KCTD8: variants seen among roughly 807,000 people sequenced by gnomAD.
The protein encoded by KCTD8 is BTB/POZ domain-containing protein KCTD8.
KCTD8 carries 27 observed loss-of-function variants against 31.5 expected under a neutral mutation model. The ratio of observed to expected loss-of-function variants is 0.86; its 90% CI spans 0.63 to 1.18. The LOEUF is 1.18. Ranked by LOEUF, KCTD8 falls within the 50% of genes most tolerant of loss-of-function variation. KCTD8 has a pLI of 0.00. For missense variants in KCTD8, 658 were observed against 647.7 expected, an observed-to-expected ratio of 1.02 and a Z score of -0.17; for synonymous variants, 290 against 280.0, an observed-to-expected ratio of 1.04 and a Z score of -0.36.
chr4:44,265,558 G>T (rs892771428), intron 1 of KCTD8, among the ~76,000 whole-genome samples: 7 of 152,232 alleles, frequency 4.6e-5, no homozygotes, highest in Admixed American at 1.3e-4. Flanking sequence ...ACTTTGACGA[G>T]TTGAGAGAAG....
intron 1 of KCTD8, among the ~76,000 whole-genome samples, chr4:44,290,837 T>G (rs1243773004): frequency 6.6e-6 from 1 of 151,998 alleles, no homozygotes; most frequent in Non-Finnish European, 1.5e-5. Flanking sequence ...TTTATAGAAA[T>G]AAACGCCTTC....
chr4:44,360,581 G>C (rs1285242443), intron 1 of KCTD8, among the ~76,000 whole-genome samples: 2 of 151,988 alleles, frequency 1.3e-5, no homozygotes, highest in African/African-American at 4.8e-5. Context: ...TAAATGAACA[G>C]AGAATTCTTT....
chr4:44,392,023 T>C (rs1262940747), intron 1 of KCTD8, among the ~76,000 whole-genome samples: 1 of 151,974 alleles, frequency 6.6e-6, no homozygotes, highest in South Asian at 2.1e-4. Context: ...TCTTACGGAG[T>C]CTTACCAACT....
At chr4:44,335,762 C>A (rs1053525907) in intron 1 of KCTD8, among the ~76,000 whole-genome samples, 15 of 152,008 alleles carry the variant, frequency 9.9e-5, no homozygotes, top group African/African-American at 3.4e-4. Context: ...GATACAGATA[C>A]AAGAAAAATG....
chr4:44,406,146 A>C (rs1212579116), intron 1 of KCTD8, among the ~76,000 whole-genome samples: 1 of 152,132 alleles, frequency 6.6e-6, no homozygotes, highest in African/African-American at 2.4e-5. Context: ...AGGTGAATAT[A>C]TGGTGAATAT....
At chr4:44,354,015 A>G (rs755287321) in intron 1 of KCTD8, among the ~76,000 whole-genome samples, 6 of 152,114 alleles carry the variant, frequency 3.9e-5, no homozygotes, top group Non-Finnish European at 8.8e-5. Context: ...TAGATACTCA[A>G]TCCAAACAAA....
intron 1 of KCTD8, among the ~76,000 whole-genome samples, chr4:44,230,101 CT>C (rs1715079846): frequency 6.6e-6 from 1 of 152,122 alleles, no homozygotes; most frequent in South Asian, 2.1e-4. Context: ...GCTTATGCCC[CT>C]CAGTCAAATT....
intron 1 of KCTD8, among the ~76,000 whole-genome samples, chr4:44,188,836 C>T (rs998065911): frequency 6.6e-5 from 10 of 152,116 alleles, no homozygotes; most frequent in Non-Finnish European, 1.3e-4. Flanking sequence ...TTCCCTAGAA[C>T]TTCTCGAGAT....
chr4:44,246,006 T>C (rs944952941), intron 1 of KCTD8, among the ~76,000 whole-genome samples: 3 of 152,058 alleles, frequency 2.0e-5, no homozygotes, highest in African/African-American at 7.2e-5. Context: ...CAATCTTCTA[T>C]TAGTTAGCAG....
chr4:44,320,170 C>CAAAAAAAAAAAAAAAAAAAAAA (rs35250421), intron 1 of KCTD8, among the ~76,000 whole-genome samples: 1 of 31,910 alleles, frequency 3.1e-5, no homozygotes, highest in Non-Finnish European at 5.3e-5. Flanking sequence ...GCCTCCATCT[C>CAAAAAAAAAAAAAAAAAAAAAA]AAAAAAAAAA....
chr4:44,328,380 C>A (rs1049387055), intron 1 of KCTD8, among the ~76,000 whole-genome samples: 1 of 151,844 alleles, frequency 6.6e-6, no homozygotes, highest in Non-Finnish European at 1.5e-5. Flanking sequence ...TCTCTGACTA[C>A]AACAAATAGA....
At chr4:44,406,338 C>A (rs987793789) in intron 1 of KCTD8, among the ~76,000 whole-genome samples, 1 of 152,090 alleles carries the variant, frequency 6.6e-6, no homozygotes, top group African/African-American at 2.4e-5. Flanking sequence ...GTGTCCCCAC[C>A]CAAATCTCAT....
At chr4:44,383,586 T>C (rs1004779623) in intron 1 of KCTD8, among the ~76,000 whole-genome samples, 2 of 152,072 alleles carry the variant, frequency 1.3e-5, no homozygotes, top group Non-Finnish European at 1.5e-5. Flanking sequence ...GTCTCTTTAA[T>C]GAATAGTGCT....
intron 1 of KCTD8, among the ~76,000 whole-genome samples, chr4:44,437,763 C>A (rs1047701107): frequency 3.9e-5 from 6 of 152,072 alleles, no homozygotes; most frequent in Non-Finnish European, 7.4e-5. Context: ...CAATTTCTAC[C>A]ATTTTCTCCC....
intron 1 of KCTD8, among the ~76,000 whole-genome samples, chr4:44,217,521 G>C (rs1189076158): frequency 1.3e-5 from 2 of 152,178 alleles, no homozygotes; most frequent in East Asian, 3.9e-4. Context: ...AGGACGCCTA[G>C]ATAGCTGGTG....
chr4:44,405,593 A>G (rs1236742482), intron 1 of KCTD8, among the ~76,000 whole-genome samples: 1 of 152,000 alleles, frequency 6.6e-6, no homozygotes, highest in African/African-American at 2.4e-5. Context: ...AATCACAGAA[A>G]ACTAGAGAAA....
intron 1 of KCTD8, among the ~76,000 whole-genome samples, chr4:44,287,187 G>C (rs190104477): frequency 6.6e-4 from 101 of 152,174 alleles, no homozygotes; most frequent in African/African-American, 2.4e-3. Flanking sequence ...GAGACCGAAG[G>C]AGGAGGAATG....
chr4:44,280,623 A>T (rs1577591129), intron 1 of KCTD8, among the ~76,000 whole-genome samples: 1 of 152,120 alleles, frequency 6.6e-6, no homozygotes, highest in Non-Finnish European at 1.5e-5. Flanking sequence ...CAAATTGTGG[A>T]AGGGGACAGA....
intron 1 of KCTD8, among the ~76,000 whole-genome samples, chr4:44,438,995 C>T (rs953407845): frequency 1.3e-5 from 2 of 152,196 alleles, no homozygotes; most frequent in Non-Finnish European, 2.9e-5. Context: ...CTTAAAGCTA[C>T]AGCCAGAATT....
Sources: allele counts gnomAD v4.1 joint callset (sites outside exome capture counted in the v4.1 genomes callset), GRCh38; gene constraint gnomAD v4.1.1; transcripts MANE v1.5; gene names NCBI Gene and HGNC (gene_info 2026-07-23, HGNC 2026-07-21).